The following RALGAPA1 variants were observed in gnomAD, a reference collection of about 807,000 sequenced individuals.
RALGAPA1 encodes ral GTPase-activating protein subunit alpha-1.
In RALGAPA1, 52 loss-of-function variants were observed where a neutral mutation model predicts 269.6. The observed-to-expected ratio is 0.19, with a 90% CI of 0.15 to 0.24. The LOEUF is 0.24. Ranked by LOEUF, RALGAPA1 falls within the 10% of genes least tolerant of loss-of-function variation. The probability of loss-of-function intolerance (pLI) is 1.00; values close to 1 mark genes in which losing one functional copy is unlikely to be tolerated. For missense variants in RALGAPA1, 1,917 were observed against 3,013.9 expected (o/e 0.64, Z 8.52); for synonymous variants, 817 against 1,008.3 (o/e 0.81, Z 3.60).
intron 27 of RALGAPA1, 49 bp from the exon 28 acceptor site, chr14:35,659,245 T>A: frequency 7.3e-7 from 1 of 1,366,832 alleles, no homozygotes; most frequent in Admixed American, 1.8e-5. Context: ...ATTTCACTCA[T>A]TCATTCTACA....
intron 1 of RALGAPA1, among the ~76,000 whole-genome samples, chr14:35,807,436 A>C (rs73235274): frequency 0.018 from 2,782 of 152,290 alleles, 84 homozygotes; most frequent in African/African-American, 0.063. Context: ...ACTCCACTGG[A>C]ATAAATACAA....
chr14:35,702,926 G>A (rs1288109579), intron 16 of RALGAPA1, among the ~76,000 whole-genome samples: 2 of 151,784 alleles, frequency 1.3e-5, no homozygotes, highest in Non-Finnish European at 2.9e-5. Context: ...TTTTAGTAGA[G>A]ACAGGGTTTC....
chr14:35,760,944 G>A lies in RALGAPA1; in HGVS notation c.432C>T (p.Ser144=). The A allele has an allele frequency of 1.2e-6, 2 of 1,610,602 alleles. No individual in the cohort carries two copies. Among genetic ancestry groups the A allele is most frequent in the Non-Finnish European group, 8.5e-7 (1 of 1,177,264 alleles). ...LWLQALQNNC[S]KEQLWMFSCL... is the part of the protein sequence containing the mutation. ...ATGAAAACATCCAGAGCTGTTCTTT[G>A]CTACAGTTATTCTGAAGAGCTTGCA... Residue 144 remains serine, a synonymous_variant, in exon 6 of 42, where the codon AGC becomes AGT. Coordinates refer to ENST00000680220, the MANE Select transcript of RALGAPA1 (RefSeq NM_001346249.2).
chr14:35,726,119 C>T (rs769960556), intron 13 of RALGAPA1, among the ~76,000 whole-genome samples: 4 of 152,090 alleles, frequency 2.6e-5, no homozygotes, highest in African/African-American at 4.8e-5. Flanking sequence ...CCAGGCATAG[C>T]GATACGTGGA....
intron 35 of RALGAPA1, among the ~76,000 whole-genome samples, chr14:35,610,286 C>CTT (rs555907360): frequency 2.1e-5 from 3 of 141,562 alleles, no homozygotes; most frequent in Non-Finnish European, 4.7e-5. Flanking sequence ...CAATTTTTTT[C>CTT]TTTTTTTTTT....
At chr14:35,697,854 C>T (rs1219782210) in intron 17 of RALGAPA1, among the ~76,000 whole-genome samples, 1 of 152,072 alleles carries the variant, frequency 6.6e-6, no homozygotes, top group Non-Finnish European at 1.5e-5. Context: ...TTCCTTGCCT[C>T]TTTCAAATTC....
intron 39 of RALGAPA1, among the ~76,000 whole-genome samples, chr14:35,567,328 G>C (rs1201025559): frequency 6.6e-6 from 1 of 151,996 alleles, no homozygotes; most frequent in East Asian, 1.9e-4. Context: ...GCAATTCCTT[G>C]GTGTTGGGTA....
intron 36 of RALGAPA1, among the ~76,000 whole-genome samples, chr14:35,600,232 CTTTT>C (rs71124708): frequency 4.6e-5 from 4 of 86,938 alleles, no homozygotes; most frequent in Non-Finnish European, 9.3e-5. Context: ...TTCTTTTTTT[CTTTT>C]TTTTTTTTTT....
intron 34 of RALGAPA1, among the ~76,000 whole-genome samples, chr14:35,626,257 T>A (rs763519067): frequency 3.3e-5 from 5 of 151,926 alleles, no homozygotes; most frequent in Admixed American, 6.6e-5. Context: ...CAAGTAAGAG[T>A]ATAAACACTA....
chr14:35,638,002 C>G (rs966734215), intron 31 of RALGAPA1, among the ~76,000 whole-genome samples: 1 of 152,144 alleles, frequency 6.6e-6, no homozygotes, highest in Non-Finnish European at 1.5e-5. Flanking sequence ...GAAATACAGA[C>G]TTTCCCAGAC....
At chr14:35,645,267 A>G (rs1466844732) in intron 31 of RALGAPA1, among the ~76,000 whole-genome samples, 1 of 151,562 alleles carries the variant, frequency 6.6e-6, no homozygotes, top group African/African-American at 2.4e-5. Flanking sequence ...TCCAAATCCC[A>G]TGACACTGGG....
chr14:35,594,775 A>G (rs2058833360), intron 37 of RALGAPA1, among the ~76,000 whole-genome samples: 1 of 152,056 alleles, frequency 6.6e-6, no homozygotes, highest in East Asian at 1.9e-4. Flanking sequence ...TAGAACTACC[A>G]TATGACCTAG....
chr14:35,638,866 C>T (rs2061828567), intron 31 of RALGAPA1, among the ~76,000 whole-genome samples: 1 of 151,930 alleles, frequency 6.6e-6, no homozygotes. Context: ...GTAGAGGTTG[C>T]AGTGAGCTGA....
At chr14:35,709,403 G>A (rs1342712813) in intron 16 of RALGAPA1, among the ~76,000 whole-genome samples, 1 of 151,764 alleles carries the variant, frequency 6.6e-6, no homozygotes, top group Non-Finnish European at 1.5e-5. Context: ...AAGGATCACT[G>A]GTAATGGTTC....
At chr14:35,797,377 AG>A (rs2076650932) in intron 1 of RALGAPA1, among the ~76,000 whole-genome samples, 1 of 151,638 alleles carries the variant, frequency 6.6e-6, no homozygotes, top group African/African-American at 2.4e-5. Flanking sequence ...AAGATGCCAA[AG>A]TAAAGACTTT....
chr14:35,552,212 AAATAT>A (rs1407847698), intron 39 of RALGAPA1, among the ~76,000 whole-genome samples: 12 of 152,140 alleles, frequency 7.9e-5, no homozygotes, highest in Middle Eastern at 3.4e-3. Flanking sequence ...TGTATTAAGG[AAATAT>A]AATAAACTCT....
chr14:35,761,878 G>T (rs1424103141), intron 5 of RALGAPA1, among the ~76,000 whole-genome samples: 1 of 152,118 alleles, frequency 6.6e-6, no homozygotes, highest in Non-Finnish European at 1.5e-5. Flanking sequence ...CTACAGGAAG[G>T]CTTATTCCTT....
At chr14:35,546,492 C>T (rs188998363) in intron 41 of RALGAPA1, among the ~76,000 whole-genome samples, 11 of 151,490 alleles carry the variant, frequency 7.3e-5, no homozygotes, top group Admixed American at 5.9e-4. Context: ...TTTTTCTATA[C>T]TATTCCACTG....
intron 37 of RALGAPA1, among the ~76,000 whole-genome samples, chr14:35,575,728 G>GGGAT (rs1267505430): frequency 6.6e-6 from 1 of 152,090 alleles, no homozygotes; most frequent in Non-Finnish European, 1.5e-5. Flanking sequence ...CCAAGTAGCT[G>GGGAT]GGATTACAGG....
Sources: allele counts gnomAD v4.1 joint callset (sites outside exome capture counted in the v4.1 genomes callset), GRCh38; gene constraint gnomAD v4.1.1; transcripts MANE v1.5; gene names NCBI Gene and HGNC (gene_info 2026-07-23, HGNC 2026-07-21).